Variants in CBX8 observed in about 807,000 individuals in gnomAD.
CBX8 encodes chromobox 8.
CBX8 carries 8 observed loss-of-function variants against 39.7 expected under a neutral mutation model. The ratio of observed to expected loss-of-function variants is 0.20; its 90% CI spans 0.12 to 0.36. The LOEUF is 0.36. CBX8 is among the 10% of genes least tolerant of loss of function. The pLI is 1.00. For synonymous variants in CBX8, 268 were observed against 219.8 expected (o/e 1.22, Z -1.94); for missense variants, 505 against 529.6 (o/e 0.95, Z 0.46).
intron 2 of CBX8, 59 bp from the exon 3 acceptor site, chr17:79,796,374 GGT>G (rs34363282): frequency 5.2e-4 from 813 of 1,557,084 alleles, no homozygotes; most frequent in Non-Finnish European, 6.5e-4. Context: ...GAGCAGAGGG[GGT>G]GTGTGTGTGT....
At chr17:79,796,374 G>GGT (rs34363282) in intron 2 of CBX8, 59 bp from the exon 3 acceptor site, 128,559 of 1,564,260 alleles carry the variant, frequency 0.082, 4,585 homozygotes, top group Non-Finnish European at 0.084. Context: ...GAGCAGAGGG[G>GGT]GTGTGTGTGT....
At position 79,795,321 on chromosome 17, in the gene CBX8, GATCCCGCTCCCGGTCCCT is replaced by G. The variant is rs564277970; in HGVS notation, c.466_483del (p.Asp157_Arg162del). 1,801 of 1,585,228 alleles carry G rather than the reference GATCCCGCTCCCGGTCCCT, an allele frequency of 1.1e-3. 3 individuals carry two copies. Among genetic ancestry groups the G allele is most frequent in the South Asian group, 1.3e-3 (117 of 87,450 alleles). On this transcript the variant is annotated inframe_deletion, in exon 5 of 5. Transcript: ENST00000269385. This position sits in a 1 kb window ranked among gnomAD's most constrained non-coding sequence, Gnocchi z 5.8. ...CTCTCTCGCTCCCTCTCCCTTTCTC[GATCCCGCTCCCGGTCCCT>G]ATCCCGGTCTCGGTCCCGGTCCCGA...
chr17:79,796,676 C>G, intron 1 of CBX8, 136 bp from the exon 2 acceptor site: 1 of 975,226 alleles, frequency 1.0e-6, no homozygotes, highest in Non-Finnish European at 1.6e-6. Context: ...GCTGCATCAC[C>G]CCTGCACCTA....
At position 79,795,509 on chromosome 17, in the gene CBX8, GCTGAGTCACTTCGAAACT is replaced by G. The variant is rs771127799; in HGVS notation, c.278_295del (p.Glu93_Ser98del). 5.3e-5 allele frequency: 82 copies of G among 1,546,898 alleles called. No homozygotes were observed. Among genetic ancestry groups the G allele is most frequent in the Non-Finnish European group, 7.0e-5 (81 of 1,149,242 alleles). The stretch of plus-strand genomic sequence containing the variant: ...AGGGTAGGGGATCCGGATGCCCCTG[GCTGAGTCACTTCGAAACT>G]CGTAAGTTTTGGCCTTTGCCTTGGC... On this transcript the variant is annotated inframe_deletion, in exon 5 of 5. Transcript: ENST00000269385. The surrounding 1 kb of genome is among the most constrained non-coding windows in gnomAD (Gnocchi z 5.8).
chr17:79,796,810 A>ACGGCCG, intron 1 of CBX8, 120 bp downstream of exon 1: 1 of 891,008 alleles, frequency 1.1e-6, no homozygotes, highest in Non-Finnish European at 1.6e-6. Context: ...CGCCGCCGCC[A>ACGGCCG]CGGCCGCGGC....
At position 79,794,764 on chromosome 17, in the gene CBX8, C is replaced by T; in HGVS notation, c.1041G>A (p.Glu347=). The change falls in exon 5 of 5, where the codon GAG becomes GAA. Residue 347 remains glutamate (E), a synonymous_variant. Transcript: ENST00000269385. Reference sequence around the variant, plus strand: ...TCAGGGAGGGGCTCCAGGACTCTTCCTCCGGGTCCCCCAGGATTCTGGCCA... The same window carrying T: ...TCAGGGAGGGGCTCCAGGACTCTTCTTCCGGGTCCCCCAGGATTCTGGCCA... ...IPVARILGDP[E]EESWSPSLTN... is the part of the protein sequence containing the mutation. 1.2e-6 allele frequency: 2 copies of T among 1,613,158 alleles called. No individual in the cohort carries two copies. The highest frequency in any genetic ancestry group is 1.7e-6 in the Non-Finnish European group (2 of 1,179,254).
chr17:79,795,381 AGGTGCTGCTGGTGCT>A lies in CBX8; in HGVS notation c.409_423del (p.Ser137_Thr141del), dbSNP rs763181293. 1.4e-5 allele frequency: 23 copies of A among 1,600,546 alleles called. No homozygotes were observed. Among genetic ancestry groups the A allele is most frequent in the Non-Finnish European group, 1.8e-5 (21 of 1,174,398 alleles). The stretch of plus-strand genomic sequence containing the variant: ...CGGTCCCGAGGGGCCTCTGCGCGGC[AGGTGCTGCTGGTGCT>A]GGTGCTGCTCGCTGGCGGGGACAAA... On this transcript the variant is annotated inframe_deletion, in exon 5 of 5. Transcript: ENST00000269385. This position sits in a 1 kb window ranked among gnomAD's most constrained non-coding sequence, Gnocchi z 5.8.
At position 79,795,061 on chromosome 17, in the gene CBX8, G is replaced by A; in HGVS notation, c.744C>T (p.Ile248=). Residue 248 remains isoleucine (I), a synonymous_variant, in exon 5 of 5, where the codon ATC becomes ATT. Transcript: ENST00000269385. This position sits in a 1 kb window ranked among gnomAD's most constrained non-coding sequence, Gnocchi z 5.8. ...AGKFPAGHSV[I]QLARRQDSDL... ...CCGAGTCCTGTCTTCGGGCCAGCTG[G>A]ATCACACTGTGGCCGGCTGGAAACT... 2 of 1,608,472 alleles carry A rather than the reference G, an allele frequency of 1.2e-6. No homozygotes were observed. Among genetic ancestry groups the A allele is most frequent in the Non-Finnish European group, 1.7e-6 (2 of 1,177,378 alleles).
chr17:79,794,771 T>A lies in CBX8; in HGVS notation c.1034A>T (p.Asp345Val). The A allele has an allele frequency of 1.9e-6, 3 of 1,612,700 alleles. No individual in the cohort carries two copies. Among genetic ancestry groups the A allele is most frequent in the South Asian group, 1.1e-5 (1 of 91,030 alleles). The stretch of plus-strand genomic sequence containing the variant: ...GGGGCTCCAGGACTCTTCCTCCGGG[T>A]CCCCCAGGATTCTGGCCACAGGGAT... ...ARIPVARILGDPEEESWSPSL... is the reference protein window; with the variant it reads ...ARIPVARILGVPEEESWSPSL... The change falls in exon 5 of 5, where the codon GAC (aspartate) becomes GTC (valine). Residue 345 changes from aspartate (D) to valine (V), a missense_variant. By Grantham distance (152) the Asp-to-Val change is radical (BLOSUM62 -3). Coordinates refer to ENST00000269385, the MANE Select transcript of CBX8 (RefSeq NM_020649.3).
Position 79,794,839 on chromosome 17 carries a change from C to T in CBX8, c.966G>A (p.Arg322=). Residue 322 remains arginine (R), a synonymous_variant, in exon 5 of 5, where the codon CGG becomes CGA. Coordinates refer to ENST00000269385, the MANE Select transcript of CBX8 (RefSeq NM_020649.3). The part of the protein sequence containing the change: ...GPPSSGGGLY[R]DMGAQGGRPS... The stretch of plus-strand genomic sequence containing the variant: ...GCCTTCCCCCCTGGGCCCCCATGTC[C>T]CGGTACAGGCCCCCCCCAGAGCTGG... The T allele has an allele frequency of 8.7e-6, 14 of 1,608,208 alleles. No homozygotes were observed. Among genetic ancestry groups the T allele is most frequent in the Non-Finnish European group, 1.2e-5 (14 of 1,177,732 alleles).
chr17:79,792,266 G>T lies in CBX8; in HGVS notation c.*2369C>A, dbSNP rs1427565861. On this transcript the variant is annotated 3_prime_UTR_variant, in exon 5 of 5. Coordinates refer to ENST00000269385, the MANE Select transcript of CBX8 (RefSeq NM_020649.3). ...CGATTGGAGATTTGTACAAATCTTA[G>T]AATTAAATAAACCCAACAGCGCACA... 1 of 152,240 alleles carries T rather than the reference G, an allele frequency of 6.6e-6. No homozygotes were observed. The highest frequency in any genetic ancestry group is 2.4e-5 in the African/African-American group (1 of 41,438). 9.4% of individuals were successfully genotyped at this position (152,240 alleles called of 1,614,324 possible).
Position 79,795,349 on chromosome 17 carries a change from T to C in CBX8, c.456A>G (p.Arg152=), listed in dbSNP as rs1908040596. The change falls in exon 5 of 5, where the codon CGA becomes CGG. Residue 152 remains arginine, a synonymous_variant. Transcript: ENST00000269385. This position sits in a 1 kb window ranked among gnomAD's most constrained non-coding sequence, Gnocchi z 5.8. The part of the protein sequence containing the change: ...CRAEAPRDRD[R]DRDRDRERDR... ...CCCGCTCCCGGTCCCTATCCCGGTC[T>C]CGGTCCCGGTCCCGAGGGGCCTCTG... 2 of 1,589,644 alleles carry C rather than the reference T, an allele frequency of 1.3e-6. No homozygotes were observed. Among genetic ancestry groups the C allele is most frequent in the Non-Finnish European group, 1.7e-6 (2 of 1,168,076 alleles).
Position 79,796,482 on chromosome 17 carries a change from A to G in CBX8, c.113+15T>C, listed in dbSNP as rs1185161136. On this transcript the variant is annotated intron_variant, in intron 2 of 4. Transcript: ENST00000269385. ...ATAACAGTCTGGGGTTGAGAATTGC[A>G]TATAACCTACTTACTTCTGCGACCA... 1 of 1,614,184 alleles carries G rather than the reference A, an allele frequency of 6.2e-7. No individual in the cohort carries two copies. Among genetic ancestry groups the G allele is most frequent in the East Asian group, 2.2e-5 (1 of 44,884 alleles).
intron 1 of CBX8, 118 bp downstream of exon 1, chr17:79,796,791 TGCCGCCGCCGCCGCCGCCACG>T: frequency 1.5e-6 from 1 of 658,108 alleles, no homozygotes; most frequent in Non-Finnish European, 2.3e-6. Context: ...GGCTCAGAGC[TGCCGCCGCCGCCGCCGCCACG>T]GCCGCGGCCG....
rs752624120 is a variant in CBX8 at position 79,795,365 on chromosome 17, G to C, written c.440C>G (p.Pro147Arg). 6.9e-6 allele frequency: 11 copies of C among 1,595,904 alleles called. No individual in the cohort carries two copies. The African/African-American group carries it at 1.5e-4, about 21-fold the overall frequency. The change falls in exon 5 of 5, where the codon CCT becomes CGT. Residue 147 changes from proline (P) to arginine (R), a missense_variant. Around this residue, in one of 3 missense-constraint regions of CBX8, gnomAD observed 456 missense variants for 389.2 expected, o/e 1.17. Transcript: ENST00000269385. The surrounding 1 kb of genome is among the most constrained non-coding windows in gnomAD (Gnocchi z 5.8). ...STSSTCRAEA[P>R]RDRDRDRDRD... ...ATCCCGGTCTCGGTCCCGGTCCCGA[G>C]GGGCCTCTGCGCGGCAGGTGCTGCT...
intron 3 of CBX8, 45 bp from the exon 4 acceptor site, chr17:79,796,168 C>G: frequency 1.9e-6 from 3 of 1,612,370 alleles, no homozygotes; most frequent in Non-Finnish European, 1.7e-6. Flanking sequence ...GTAAAGAAAG[C>G]AAGTGGGACT....
In CBX8 at chr17:79,794,054, A is replaced by C. The variant is rs1907973602; in HGVS notation, c.*581T>G. The C allele has an allele frequency of 6.6e-6, 1 of 152,230 alleles. No homozygotes were observed. Among genetic ancestry groups the C allele is most frequent in the East Asian group, 1.9e-4 (1 of 5,182 alleles). 9.4% of individuals were successfully genotyped at this position (152,230 alleles called of 1,614,324 possible). On this transcript the variant is annotated 3_prime_UTR_variant, in exon 5 of 5. Transcript: ENST00000269385. The stretch of plus-strand genomic sequence containing the variant: ...ATAGACTTCTTTACCTTAAAAAAAA[A>C]AAAATAGAAAAAAGGAAAACAGACT...
At position 79,792,643 on chromosome 17, in the gene CBX8, C is replaced by G. The variant is rs914340292; in HGVS notation, c.*1992G>C. On this transcript the variant is annotated 3_prime_UTR_variant, in exon 5 of 5. Coordinates refer to ENST00000269385, the MANE Select transcript of CBX8 (RefSeq NM_020649.3). ...GCATCGACATTTAAATAGATACACT[C>G]GGTCAACGGCGCTTCTTTATACAAA... 1.3e-5 allele frequency: 2 copies of G among 152,230 alleles called. No individual in the cohort carries two copies. The highest frequency in any genetic ancestry group is 4.8e-5 in the African/African-American group (2 of 41,454). 9.4% of individuals were successfully genotyped at this position (152,230 alleles called of 1,614,324 possible). A position where few individuals can be genotyped will look rare whatever the true frequency, so the allele number is the denominator to read the frequency against.
In CBX8 at chr17:79,794,989, C is replaced by G. The variant is rs774374794; in HGVS notation, c.816G>C (p.Thr272=). 1.2e-6 allele frequency: 2 copies of G among 1,605,408 alleles called. No homozygotes were observed. The highest frequency in any genetic ancestry group is 1.3e-5 in the African/African-American group (1 of 74,850). The change falls in exon 5 of 5, where the codon ACG becomes ACC. Residue 272 remains threonine, a synonymous_variant. Transcript: ENST00000269385. ...GVTSPSSAEA[T]GKLAVDTFPA... ...GGAAGGTGTCCACAGCCAGTTTGCC[C>G]GTGGCCTCAGCTGAGCTAGGGCTGG...
Sources: gnomAD v4.1 joint callset for allele counts on GRCh38, gnomAD v4.1.1 for gene constraint, gnomAD v4.1.1 regional missense constraint, Gnocchi (gnomAD v3.1) non-coding constraint, MANE v1.5 for transcripts, NCBI Gene and HGNC (gene_info 2026-07-23, HGNC 2026-07-21) for gene names.